The following TENM1 variants were observed in gnomAD, a reference collection of about 807,000 sequenced individuals.
TENM1 encodes teneurin transmembrane protein 1, also known as teneurin-1.
A neutral mutation model predicts 174.8 loss-of-function variants in TENM1; 35 were observed. That is an observed-to-expected ratio of 0.20 (90% CI 0.15 to 0.27). The LOEUF (loss-of-function observed/expected upper bound fraction) is 0.27, where lower values mean the gene tolerates loss of function less well. Ranked by LOEUF, TENM1 falls within the 10% of genes least tolerant of loss-of-function variation. The probability of loss-of-function intolerance (pLI) is 1.00; values close to 1 mark genes in which losing one functional copy is unlikely to be tolerated. For missense variants in TENM1, 1,633 were observed against 2,130.1 expected (o/e 0.77, Z 4.59); for synonymous variants, 781 against 798.7 (o/e 0.98, Z 0.37).
intron 1 of TENM1, among the ~76,000 whole-genome samples, chrX:124,905,952 A>G (rs928415150): frequency 8.9e-6 from 1 of 112,165 alleles, no homozygotes; most frequent in Non-Finnish European, 1.9e-5. Context: ...AAACCTCATA[A>G]TTCATGGGCA....
intron 3 of TENM1, among the ~76,000 whole-genome samples, chrX:124,773,795 G>A (rs1449408862): frequency 1.8e-5 from 2 of 111,733 alleles, no homozygotes; most frequent in African/African-American, 6.5e-5. Flanking sequence ...TAACAAAGAA[G>A]CCTGTCTGCC....
the TENM1 span, among the ~76,000 whole-genome samples, chrX:125,061,435 G>C: frequency 8.9e-6 from 1 of 111,878 alleles, no homozygotes; most frequent in Non-Finnish European, 1.9e-5. Flanking sequence ...TATGCCCCCT[G>C]TTTAGCATTG....
chrX:125,147,237 T>A, the TENM1 span, among the ~76,000 whole-genome samples: 110 of 109,702 alleles, frequency 1.0e-3, no homozygotes, highest in Non-Finnish European at 1.1e-3. Context: ...CATATGTGTA[T>A]ACATGTGTGT....
chrX:124,954,440 A>G (rs187371526), intron 1 of TENM1, among the ~76,000 whole-genome samples: 1 of 111,976 alleles, frequency 8.9e-6, no homozygotes, highest in African/African-American at 3.2e-5. Context: ...CAATATATAC[A>G]TTCATACTCA....
intron 22 of TENM1, among the ~76,000 whole-genome samples, chrX:124,467,324 G>C (rs950926033): frequency 1.8e-5 from 2 of 111,904 alleles, no homozygotes; most frequent in African/African-American, 6.5e-5. Flanking sequence ...TGATTCCTCA[G>C]GGGGAAACTT....
At chrX:124,786,852 A>G (rs1051771760) in intron 3 of TENM1, among the ~76,000 whole-genome samples, 9 of 111,799 alleles carry the variant, frequency 8.1e-5, no homozygotes, top group Non-Finnish European at 1.7e-4. Context: ...GACAAAGCAA[A>G]GGAATGAACA....
At chrX:124,415,764 T>C (rs5911834) in intron 25 of TENM1, among the ~76,000 whole-genome samples, 15,333 of 110,701 alleles carry the variant, frequency 0.14, 807 homozygotes, top group African/African-American at 0.18. Flanking sequence ...TTGGCCAAAT[T>C]CTGGTAACAG....
intron 4 of TENM1, among the ~76,000 whole-genome samples, chrX:124,728,128 A>T (rs776922291): frequency 1.0e-3 from 115 of 111,203 alleles, no homozygotes; most frequent in Non-Finnish European, 1.7e-3. Context: ...ACAGGGAAGA[A>T]AAAGAGACTT....
At chrX:124,475,306 C>T (rs985961495) in intron 22 of TENM1, among the ~76,000 whole-genome samples, 1 of 111,513 alleles carries the variant, frequency 9.0e-6, no homozygotes, top group African/African-American at 3.3e-5. Flanking sequence ...CAGTTTCCTC[C>T]ATGCTTTGAT....
chrX:124,859,820 T>C (rs753913816), intron 3 of TENM1, among the ~76,000 whole-genome samples: 11 of 112,004 alleles, frequency 9.8e-5, no homozygotes, highest in Non-Finnish European at 1.7e-4. Context: ...ACATTTAACA[T>C]GACCAATTTA....
At chrX:124,883,396 G>A (rs1042655497) in intron 3 of TENM1, among the ~76,000 whole-genome samples, 2 of 112,570 alleles carry the variant, frequency 1.8e-5, no homozygotes, top group African/African-American at 6.5e-5. Flanking sequence ...CTAAAGCAAA[G>A]TTTTGCTGCA....
the TENM1 span, among the ~76,000 whole-genome samples, chrX:125,160,026 C>A: frequency 9.2e-6 from 1 of 108,611 alleles, no homozygotes; most frequent in East Asian, 2.9e-4. Flanking sequence ...ATTGTGAAAC[C>A]CTGTCTCTAC....
chrX:125,097,203 G>A, the TENM1 span, among the ~76,000 whole-genome samples: 3 of 111,420 alleles, frequency 2.7e-5, no homozygotes, highest in Non-Finnish European at 5.6e-5. Flanking sequence ...GTGACCTCTC[G>A]CCTGAGAACA....
At chrX:124,541,747 T>A (rs1168182448) in intron 15 of TENM1, among the ~76,000 whole-genome samples, 3 of 111,997 alleles carry the variant, frequency 2.7e-5, no homozygotes, top group African/African-American at 9.7e-5. Context: ...GGGGATACAG[T>A]GGTATCATAG....
chrX:125,021,408 G>C, the TENM1 span, among the ~76,000 whole-genome samples: 2 of 110,755 alleles, frequency 1.8e-5, no homozygotes, highest in Admixed American at 1.9e-4. Flanking sequence ...TCCTATTCTT[G>C]CGCATTAGCA....
chrX:125,101,848 T>G, the TENM1 span, among the ~76,000 whole-genome samples: 1 of 105,279 alleles, frequency 9.5e-6, no homozygotes, highest in African/African-American at 3.7e-5. Flanking sequence ...CCATTAAAAC[T>G]CTGCTCAAAT....
chrX:125,052,135 C>A, the TENM1 span, among the ~76,000 whole-genome samples: 1 of 111,818 alleles, frequency 8.9e-6, no homozygotes, highest in African/African-American at 3.2e-5. Flanking sequence ...CAAATCAAAA[C>A]CACAAGGAGA....
At chrX:124,397,786 C>T (rs182251777) in intron 27 of TENM1, among the ~76,000 whole-genome samples, 1,173 of 108,450 alleles carry the variant, frequency 0.011, 7 homozygotes, top group South Asian at 0.029. Flanking sequence ...TTAGTAGAGA[C>T]GGGGTTTCAC....
At chrX:124,789,083 C>A (rs2055114172) in intron 3 of TENM1, among the ~76,000 whole-genome samples, 1 of 112,352 alleles carries the variant, frequency 8.9e-6, no homozygotes, top group Non-Finnish European at 1.9e-5. Flanking sequence ...TTCTTGACTT[C>A]TCTGCACTTG....
Sources: allele counts gnomAD v4.1 joint callset (sites outside exome capture counted in the v4.1 genomes callset), GRCh38; gene constraint gnomAD v4.1.1; transcripts MANE v1.5; gene names NCBI Gene and HGNC (gene_info 2026-07-23, HGNC 2026-07-21).